CAMK1D: variants seen among roughly 807,000 people sequenced by gnomAD.
CAMK1D encodes calcium/calmodulin-dependent protein kinase type 1D.
A neutral mutation model predicts 47.7 loss-of-function variants in CAMK1D; 9 were observed. That is an observed-to-expected ratio of 0.19 (90% confidence interval 0.11 to 0.33). The LOEUF is 0.33. Among genes scored for constraint, CAMK1D ranks in the 10% least tolerant of loss-of-function variants. The pLI, the probability that CAMK1D is intolerant of heterozygous loss-of-function variation, is 1.00. For missense variants in CAMK1D, 291 were observed against 488.7 expected, an observed-to-expected ratio of 0.60 and a Z score of 3.81; for synonymous variants, 184 against 184.9, an observed-to-expected ratio of 0.99 and a Z score of 0.04.
At chr10:12,626,021 A>G (rs994302776) in intron 2 of CAMK1D, among the ~76,000 whole-genome samples, 1 of 152,226 alleles carries the variant, frequency 6.6e-6, no homozygotes, top group Non-Finnish European at 1.5e-5. Flanking sequence ...ACAAATACAT[A>G]TGTCAAAAGT....
At chr10:12,567,697 C>T (rs1837166946) in intron 2 of CAMK1D, among the ~76,000 whole-genome samples, 1 of 152,190 alleles carries the variant, frequency 6.6e-6, no homozygotes, top group South Asian at 2.1e-4. Context: ...CAAATCCACA[C>T]CAGATTTGCT....
chr10:12,622,699 G>T (rs555384993), intron 2 of CAMK1D, among the ~76,000 whole-genome samples: 1 of 152,148 alleles, frequency 6.6e-6, no homozygotes, highest in Non-Finnish European at 1.5e-5. Context: ...CTCCCTGAAA[G>T]GAGACAAACG....
intron 2 of CAMK1D, among the ~76,000 whole-genome samples, chr10:12,583,832 C>T (rs1254393414): frequency 2.0e-5 from 3 of 152,064 alleles, no homozygotes; most frequent in Admixed American, 6.6e-5. Context: ...ATCTCCTGAC[C>T]TCGTGATCCG....
chr10:12,807,068 G>T (rs139696813), intron 6 of CAMK1D, among the ~76,000 whole-genome samples: 3 of 152,260 alleles, frequency 2.0e-5, no homozygotes, highest in African/African-American at 7.2e-5. Flanking sequence ...CGGTTTTCAT[G>T]CATGTGCTGA....
At chr10:12,752,003 G>T (rs1239987432) in intron 3 of CAMK1D, among the ~76,000 whole-genome samples, 3 of 149,988 alleles carry the variant, frequency 2.0e-5, no homozygotes, top group African/African-American at 4.9e-5. Flanking sequence ...TTTTTTTGAG[G>T]TGGAGTCTTG....
chr10:12,616,403 G>A (rs1588693884), intron 2 of CAMK1D, among the ~76,000 whole-genome samples: 1 of 152,130 alleles, frequency 6.6e-6, no homozygotes, highest in Non-Finnish European at 1.5e-5. Flanking sequence ...ATGAACTAGC[G>A]CATTAAATCC....
intron 5 of CAMK1D, among the ~76,000 whole-genome samples, chr10:12,786,252 A>G (rs576204965): frequency 6.6e-6 from 1 of 152,272 alleles, no homozygotes; most frequent in Admixed American, 6.5e-5. Context: ...TGTCACTTCT[A>G]TATTCACCCT....
intron 1 of CAMK1D, among the ~76,000 whole-genome samples, chr10:12,406,393 G>A (rs1030269421): frequency 6.6e-6 from 1 of 152,130 alleles, no homozygotes; most frequent in Admixed American, 6.5e-5. Flanking sequence ...TCTGGCAAAA[G>A]CTTTTTATTG....
chr10:12,745,756 C>T (rs1011812242), intron 3 of CAMK1D, among the ~76,000 whole-genome samples: 6 of 152,180 alleles, frequency 3.9e-5, no homozygotes, highest in Non-Finnish European at 8.8e-5. Context: ...GTGCCCGCCA[C>T]CACGCCCAGC....
intron 2 of CAMK1D, among the ~76,000 whole-genome samples, chr10:12,595,406 A>G (rs1335149497): frequency 6.9e-6 from 1 of 144,192 alleles, no homozygotes; most frequent in East Asian, 2.0e-4. Context: ...AAAGCTAGGA[A>G]CTTGAGGAAT....
intron 1 of CAMK1D, among the ~76,000 whole-genome samples, chr10:12,539,966 A>G (rs1564399841): frequency 2.0e-5 from 3 of 152,182 alleles, no homozygotes; most frequent in Non-Finnish European, 4.4e-5. Context: ...TGTAGGCTGG[A>G]GTGCAATGGT....
intron 1 of CAMK1D, among the ~76,000 whole-genome samples, chr10:12,440,272 G>T (rs145596004): frequency 6.9e-6 from 1 of 145,502 alleles, no homozygotes; most frequent in Non-Finnish European, 1.5e-5. Context: ...CCAACTATAC[G>T]TTAGTCTTTT....
intron 6 of CAMK1D, among the ~76,000 whole-genome samples, chr10:12,796,687 T>A (rs1350792621): frequency 6.6e-6 from 1 of 152,152 alleles, no homozygotes; most frequent in African/African-American, 2.4e-5. Flanking sequence ...CTGACTTTAA[T>A]AGGGACTGTT....
intron 2 of CAMK1D, among the ~76,000 whole-genome samples, chr10:12,656,779 TG>T (rs1374559148): frequency 6.6e-6 from 1 of 152,222 alleles, no homozygotes. Flanking sequence ...GCTCATTTCT[TG>T]AAGTGGCCTA....
chr10:12,538,344 A>G (rs1362315809), intron 1 of CAMK1D, among the ~76,000 whole-genome samples: 2 of 152,146 alleles, frequency 1.3e-5, no homozygotes, highest in African/African-American at 2.4e-5. Context: ...GAGGTGAGAC[A>G]TGGTGATTTG....
chr10:12,774,900 T>C (rs974592613), intron 5 of CAMK1D, among the ~76,000 whole-genome samples: 5 of 152,260 alleles, frequency 3.3e-5, no homozygotes, highest in African/African-American at 9.6e-5. Flanking sequence ...CTTGAAACAA[T>C]TGTCTTCCGT....
At chr10:12,750,802 G>A (rs559372505) in intron 3 of CAMK1D, among the ~76,000 whole-genome samples, 25 of 152,324 alleles carry the variant, frequency 1.6e-4, no homozygotes, top group African/African-American at 6.0e-4. Flanking sequence ...TGTAATCCCA[G>A]CACTTTGGGA....
chr10:12,379,026 TCTCAAA>T (rs1253920592), intron 1 of CAMK1D, among the ~76,000 whole-genome samples: 7 of 152,168 alleles, frequency 4.6e-5, no homozygotes, highest in Middle Eastern at 3.4e-3. Flanking sequence ...GTCAGGCTGG[TCTCAAA>T]CTCCTGATCT....
At chr10:12,696,751 A>G (rs746207845) in intron 3 of CAMK1D, among the ~76,000 whole-genome samples, 9 of 152,228 alleles carry the variant, frequency 5.9e-5, no homozygotes, top group Admixed American at 2.6e-4. Context: ...AGAATTTTCT[A>G]CTCAATAGAA....
Sources: gnomAD v4.1 joint callset for allele counts (sites outside exome capture counted in the v4.1 genomes callset) on GRCh38, gnomAD v4.1.1 for gene constraint, MANE v1.5 for transcripts, NCBI Gene and HGNC (gene_info 2026-07-23, HGNC 2026-07-21) for gene names.